The following SNTG1 variants were observed in gnomAD, a reference collection of about 807,000 sequenced individuals.
The protein encoded by SNTG1 is gamma-1-syntrophin.
Under a neutral mutation model 74.7 loss-of-function variants are expected in SNTG1, and 39 were observed. That is an observed-to-expected ratio of 0.52 (90% CI 0.40 to 0.68). The LOEUF is 0.68. Ranked by LOEUF, SNTG1 falls within the 30% of genes least tolerant of loss-of-function variation. SNTG1 has a pLI of 0.00. For synonymous variants in SNTG1, 254 were observed against 217.1 expected (o/e 1.17, Z -1.49); for missense variants, 685 against 609.5 (o/e 1.12, Z -1.30).
chr8:50,003,152 G>A (rs1814901713), intron 1 of SNTG1, among the ~76,000 whole-genome samples: 2 of 152,130 alleles, frequency 1.3e-5, no homozygotes, highest in Non-Finnish European at 2.9e-5. Context: ...TGATAAAAAT[G>A]TTCTGGAATT....
At chr8:49,938,675 C>G (rs1808404200) in intron 1 of SNTG1, among the ~76,000 whole-genome samples, 1 of 139,958 alleles carries the variant, frequency 7.1e-6, no homozygotes, top group African/African-American at 2.7e-5. Context: ...TTCCTTCCTT[C>G]CTTCCCTCCT....
Position 50,513,425 on chromosome 8 carries a change from C to A in SNTG1, c.466+10545C>A, listed in dbSNP as rs192768588. On this transcript the variant is annotated intron_variant, in intron 9 of 18. Transcript: ENST00000642720. Reference sequence around the variant, plus strand: ...ATCTCCAGCTGTGTGCTTGGAGAACCACTGCTCTCTTCAAAGCTGTCAGAC... The same window carrying A: ...ATCTCCAGCTGTGTGCTTGGAGAACAACTGCTCTCTTCAAAGCTGTCAGAC... 1.8e-3 allele frequency among the ~76,000 whole-genome samples: 276 copies of A among 152,322 alleles called. 4 individuals carry two copies. Among genetic ancestry groups the A allele is most frequent in the African/African-American group, 6.3e-3 (261 of 41,580 alleles).
At chr8:50,381,560 G>GTA (rs1253639711) in intron 2 of SNTG1, among the ~76,000 whole-genome samples, 1,597 of 53,598 alleles carry the variant, frequency 0.03, 32 homozygotes, top group African/African-American at 0.055. Context: ...AATAGGATAT[G>GTA]TGTGTGTGTG....
chr8:50,032,551 TTGTC>T (rs1158402796), intron 1 of SNTG1, among the ~76,000 whole-genome samples: 1 of 152,276 alleles, frequency 6.6e-6, no homozygotes, highest in East Asian at 1.9e-4. Context: ...TTGTTTTTGT[TTGTC>T]TGCACCCGTA....
chr8:50,757,017 G>T (rs556068827), intron 18 of SNTG1, among the ~76,000 whole-genome samples: 2 of 151,542 alleles, frequency 1.3e-5, no homozygotes, highest in African/African-American at 4.8e-5. Flanking sequence ...ACATGTGACC[G>T]AGAATATCTT....
At chr8:50,236,037 G>T (rs939856908) in intron 2 of SNTG1, among the ~76,000 whole-genome samples, 22 of 151,914 alleles carry the variant, frequency 1.4e-4, no homozygotes, top group Admixed American at 1.4e-3. Flanking sequence ...CCGTGTAGTT[G>T]TCTCTGTCCC....
chr8:50,586,092 T>C (rs1314442585), intron 12 of SNTG1, among the ~76,000 whole-genome samples: 1 of 152,162 alleles, frequency 6.6e-6, no homozygotes, highest in Non-Finnish European at 1.5e-5. Context: ...CACCTGAGTG[T>C]GCAAATCCTA....
At chr8:50,743,865 G>A (rs967865256) in intron 17 of SNTG1, among the ~76,000 whole-genome samples, 7 of 151,938 alleles carry the variant, frequency 4.6e-5, no homozygotes, top group South Asian at 2.1e-4. Flanking sequence ...CAGGAAGCAC[G>A]GTGCTGGCAT....
At chr8:50,470,786 A>G (rs2093646911) in intron 8 of SNTG1, among the ~76,000 whole-genome samples, 1 of 152,158 alleles carries the variant, frequency 6.6e-6, no homozygotes, top group Non-Finnish European at 1.5e-5. Context: ...AAGATTTATG[A>G]CAAAGAGCAA....
At chr8:50,289,919 G>T (rs2088998876) in intron 2 of SNTG1, among the ~76,000 whole-genome samples, 1 of 152,106 alleles carries the variant, frequency 6.6e-6, no homozygotes, top group Admixed American at 6.6e-5. Flanking sequence ...CACATAGTAG[G>T]CTTTGGATTC....
intron 15 of SNTG1, among the ~76,000 whole-genome samples, chr8:50,688,159 C>A (rs1486208278): frequency 1.3e-5 from 2 of 152,010 alleles, no homozygotes; most frequent in Non-Finnish European, 2.9e-5. Flanking sequence ...TATATTAGCC[C>A]TTTGTCAGAT....
chr8:50,096,506 T>G (rs1463642088), intron 1 of SNTG1, among the ~76,000 whole-genome samples: 1 of 152,162 alleles, frequency 6.6e-6, no homozygotes, highest in Non-Finnish European at 1.5e-5. Flanking sequence ...TTTCCTTGAG[T>G]TCACAATACA....
chr8:50,604,002 G>A (rs551627289), intron 13 of SNTG1, among the ~76,000 whole-genome samples: 1 of 152,132 alleles, frequency 6.6e-6, no homozygotes, highest in African/African-American at 2.4e-5. Context: ...AAGCCCTAGG[G>A]CTCTACAGTC....
At position 50,489,938 on chromosome 8, in the gene SNTG1, A is replaced by G. The variant is rs150326612; in HGVS notation, c.364-12840A>G. Among the ~76,000 whole-genome samples the G allele has an allele frequency of 2.8e-3, 433 of 152,252 alleles. 2 individuals carry two copies. The highest frequency in any genetic ancestry group is 0.01 in the African/African-American group (421 of 41,534). Reference sequence around the variant, plus strand: ...TAAGACTTTAATCCATCTTGAGTTAATTTATGTGTTAGGTGTAAGCAAGGG... The same window carrying G: ...TAAGACTTTAATCCATCTTGAGTTAGTTTATGTGTTAGGTGTAAGCAAGGG... On this transcript the variant is annotated intron_variant, in intron 8 of 18. Transcript: ENST00000642720.
chr8:50,414,287 G>A (rs1258197065), intron 4 of SNTG1, among the ~76,000 whole-genome samples: 2 of 152,160 alleles, frequency 1.3e-5, no homozygotes, highest in Non-Finnish European at 2.9e-5. Context: ...AGGCCACACA[G>A]GTAGAGACAA....
intron 1 of SNTG1, among the ~76,000 whole-genome samples, chr8:49,979,623 C>T (rs1023062848): frequency 2.0e-5 from 3 of 152,162 alleles, no homozygotes; most frequent in African/African-American, 7.2e-5. Flanking sequence ...TCACACCTAG[C>T]TTGTCGTCGC....
At chr8:50,324,845 G>T (rs747776816) in intron 2 of SNTG1, among the ~76,000 whole-genome samples, 24 of 150,806 alleles carry the variant, frequency 1.6e-4, no homozygotes, top group Non-Finnish European at 3.4e-4. Flanking sequence ...CATTTAGATT[G>T]TCTTCTGTTA....
intron 2 of SNTG1, among the ~76,000 whole-genome samples, chr8:50,367,984 C>T (rs2092163220): frequency 6.6e-6 from 1 of 152,018 alleles, no homozygotes; most frequent in East Asian, 1.9e-4. Flanking sequence ...AGAAAAAGCC[C>T]GAATTTCTAC....
intron 4 of SNTG1, among the ~76,000 whole-genome samples, chr8:50,428,588 A>G (rs998651373): frequency 1.4e-4 from 22 of 152,352 alleles, no homozygotes; most frequent in Middle Eastern, 3.4e-3. Flanking sequence ...AGGACCTGCT[A>G]CAAACTACAA....
Sources: allele counts gnomAD v4.1 joint callset (sites outside exome capture counted in the v4.1 genomes callset), GRCh38; gene constraint gnomAD v4.1.1; transcripts MANE v1.5; gene names NCBI Gene and HGNC (gene_info 2026-07-23, HGNC 2026-07-21).